The following HIVEP1 variants were observed in gnomAD, a reference collection of about 807,000 sequenced individuals.
The protein encoded by HIVEP1 is zinc finger protein 40.
Under a neutral mutation model 180.0 loss-of-function variants are expected in HIVEP1, and 36 were observed. The ratio of observed to expected loss-of-function variants is 0.20; its 90% CI spans 0.15 to 0.26. The LOEUF (loss-of-function observed/expected upper bound fraction) is 0.26. HIVEP1 is among the 10% of genes least tolerant of loss of function. The pLI is 1.00. For missense variants in HIVEP1, 3,143 were observed against 3,268.7 expected, an observed-to-expected ratio of 0.96 and a Z score of 0.94; for synonymous variants, 1,239 against 1,239.0, an observed-to-expected ratio of 1.00 and a Z score of 0.00.
intron 3 of HIVEP1, among the ~76,000 whole-genome samples, chr6:12,105,043 T>C (rs186260550): frequency 3.3e-5 from 5 of 152,332 alleles, no homozygotes; most frequent in African/African-American, 1.2e-4. Flanking sequence ...TTAAAAATTA[T>C]AGAAATGTTT....
the HIVEP1 span, among the ~76,000 whole-genome samples, chr6:12,184,428 C>T: frequency 6.6e-6 from 1 of 152,200 alleles, no homozygotes; most frequent in Non-Finnish European, 1.5e-5. Flanking sequence ...ACTCAAACTT[C>T]TCTTCATTCC....
the HIVEP1 span, among the ~76,000 whole-genome samples, chr6:12,177,413 T>C: frequency 6.6e-6 from 1 of 152,212 alleles, no homozygotes; most frequent in Admixed American, 6.5e-5. Flanking sequence ...TTCTTCCTCC[T>C]CTACCTACAA....
At chr6:12,161,373 T>C (rs996928955) in intron 7 of HIVEP1, 66 bp from the exon 8 acceptor site, 17 of 1,488,318 alleles carry the variant, frequency 1.1e-5, no homozygotes, top group Non-Finnish European at 1.5e-5. Context: ...GTATAAAAAA[T>C]TTTTAAAATA....
intron 7 of HIVEP1, among the ~76,000 whole-genome samples, chr6:12,142,170 T>C (rs909075221): frequency 2.0e-5 from 3 of 152,070 alleles, no homozygotes; most frequent in Non-Finnish European, 4.4e-5. Context: ...AGAACAGAAA[T>C]CACAACAAAC....
At chr6:12,044,493 T>G (rs1042035803) in intron 2 of HIVEP1, among the ~76,000 whole-genome samples, 13 of 152,144 alleles carry the variant, frequency 8.5e-5, no homozygotes, top group Non-Finnish European at 1.6e-4. Context: ...CCAGCGCACC[T>G]GTGTACAGCT....
intron 3 of HIVEP1, among the ~76,000 whole-genome samples, chr6:12,114,543 C>T (rs1775102282): frequency 6.6e-6 from 1 of 152,066 alleles, no homozygotes; most frequent in Admixed American, 6.5e-5. Flanking sequence ...CATTTATGTC[C>T]TTTTACAAAA....
chr6:12,211,243 CA>C, the HIVEP1 span, among the ~76,000 whole-genome samples: 5 of 101,368 alleles, frequency 4.9e-5, no homozygotes, highest in Non-Finnish European at 7.8e-5. Context: ...ACTAAAAATA[CA>C]AAAAAATTAG....
chr6:12,062,807 A>G lies in HIVEP1; in HGVS notation c.41-26377A>G, dbSNP rs150259546. 2.6e-3 allele frequency among the ~76,000 whole-genome samples: 394 copies of G among 152,320 alleles called. 3 individuals carry two copies. Among genetic ancestry groups the G allele is most frequent in the African/African-American group, 9.0e-3 (374 of 41,572 alleles). On this transcript the variant is annotated intron_variant, in intron 2 of 8. Transcript: ENST00000379388. ...ATTTGAACTGAGAGAAGTTTCTAAC[A>G]CCCACACGTTACTGTCATTTTGCGT... is the stretch of plus-strand genomic sequence containing the variant.
chr6:12,211,906 C>T, the HIVEP1 span, among the ~76,000 whole-genome samples: 1 of 152,052 alleles, frequency 6.6e-6, no homozygotes, highest in East Asian at 1.9e-4. Flanking sequence ...ATTTCTGTAC[C>T]CTAAAAAAAA....
intron 7 of HIVEP1, among the ~76,000 whole-genome samples, chr6:12,158,366 A>G (rs983806139): frequency 6.6e-6 from 1 of 152,134 alleles, no homozygotes; most frequent in Non-Finnish European, 1.5e-5. Context: ...GTTCCTGTAG[A>G]GATACCTTGT....
chr6:12,202,184 C>G, the HIVEP1 span, among the ~76,000 whole-genome samples: 1 of 152,062 alleles, frequency 6.6e-6, no homozygotes, highest in African/African-American at 2.4e-5. Flanking sequence ...GAGACAGGGT[C>G]TCATTCTGTT....
upstream of HIVEP1, chr6:12,008,318 C>A (rs1767109959): frequency 6.6e-6 from 1 of 152,150 alleles, no homozygotes; most frequent in Admixed American, 6.5e-5. Context: ...TATTTACCTT[C>A]CAAACTGAGA....
rs541812597 is a variant in HIVEP1 at position 12,017,361 on chromosome 6, C to G, written c.40+1693C>G. ...TGATGTTCAGATGTGTTTGGAGTTT[C>G]TTTCTTCTGGTAGGTTCGTGGTCTC... On this transcript the variant is annotated intron_variant, in intron 2 of 8. Coordinates refer to ENST00000379388, the MANE Select transcript of HIVEP1 (RefSeq NM_002114.4). 8.5e-5 allele frequency among the ~76,000 whole-genome samples: 13 copies of G among 152,252 alleles called. No homozygotes were observed. The South Asian group carries it at 1.9e-3, about 22-fold the overall frequency.
At chr6:12,093,249 GTTATCT>G (rs1435813178) in intron 3 of HIVEP1, among the ~76,000 whole-genome samples, 1 of 151,882 alleles carries the variant, frequency 6.6e-6, no homozygotes, top group African/African-American at 2.4e-5. Context: ...TAAAAATTGA[GTTATCT>G]TTTTCTTAAT....
At chr6:12,081,746 C>T (rs1772803169) in intron 2 of HIVEP1, among the ~76,000 whole-genome samples, 1 of 152,126 alleles carries the variant, frequency 6.6e-6, no homozygotes, top group African/African-American at 2.4e-5. Context: ...TCCTTTGACC[C>T]TGTGTTTCTC....
chr6:12,118,880 A>G (rs1561957518), intron 3 of HIVEP1, among the ~76,000 whole-genome samples: 4 of 152,186 alleles, frequency 2.6e-5, no homozygotes, highest in Admixed American at 1.3e-4. Flanking sequence ...TCCTGAAAAT[A>G]TCAGTTTTGC....
the HIVEP1 span, among the ~76,000 whole-genome samples, chr6:12,195,568 T>C: frequency 2.6e-5 from 4 of 152,324 alleles, no homozygotes; most frequent in South Asian, 8.3e-4. Flanking sequence ...ACTGGTCCTA[T>C]ACACATTTTA....
rs1771387564 is a variant in HIVEP1, at chr6:12,063,770, C to G, written c.41-25414C>G. Among the ~76,000 whole-genome samples the G allele has an allele frequency of 6.6e-6, 1 of 152,144 alleles. No homozygotes were observed. The highest frequency in any genetic ancestry group is 1.5e-5 in the Non-Finnish European group (1 of 68,022). The stretch of plus-strand genomic sequence containing the variant: ...GTCACTGGGCAGTCTGCAAGACTGA[C>G]TCTCCAACCAAGTGAAACCTCTTGT... On this transcript the variant is annotated intron_variant, in intron 2 of 8. Transcript: ENST00000379388. The surrounding 1 kb of genome is among the most constrained non-coding windows in gnomAD (Gnocchi z 4.2).
chr6:12,170,138 T>G, the HIVEP1 span, among the ~76,000 whole-genome samples: 1 of 149,794 alleles, frequency 6.7e-6, no homozygotes, highest in Non-Finnish European at 1.5e-5. Flanking sequence ...AAAAAAAAAC[T>G]TTGGGAATGC....
Sources: gnomAD v4.1 joint callset for allele counts (sites outside exome capture counted in the v4.1 genomes callset) on GRCh38, gnomAD v4.1.1 for gene constraint, Gnocchi (gnomAD v3.1) non-coding constraint, MANE v1.5 for transcripts, NCBI Gene and HGNC (gene_info 2026-07-23, HGNC 2026-07-21) for gene names.